Variants in TRERF1 observed in about 807,000 individuals in gnomAD.
TRERF1 encodes the protein transcriptional regulating factor 1, also known as transcriptional-regulating factor 1.
TRERF1 carries 27 observed loss-of-function variants against 122.9 expected under a neutral mutation model. The ratio of observed to expected loss-of-function variants is 0.22; its 90% CI spans 0.16 to 0.30. TRERF1 has a LOEUF of 0.30. TRERF1 is among the 10% of genes least tolerant of loss of function. TRERF1 has a pLI of 1.00. For synonymous variants in TRERF1, 636 were observed against 641.7 expected (o/e 0.99, Z 0.13); for missense variants, 1,248 against 1,560.3 (o/e 0.80, Z 3.37).
Position 42,259,254 on chromosome 6 carries a change from T to C in TRERF1, c.2269+85A>G, listed in dbSNP as rs539961740. 7.0e-6 allele frequency: 10 copies of C among 1,434,546 alleles called. No individual in the cohort carries two copies. In the East Asian group the frequency reaches 9.8e-5, roughly 14 times the overall value. 88.9% of individuals were successfully genotyped at this position (1,434,546 alleles called of 1,614,324 possible). On this transcript the variant is annotated intron_variant, in intron 9 of 17. Transcript: ENST00000372922. The surrounding 1 kb of genome is among the most constrained non-coding windows in gnomAD (Gnocchi z 4.9). ...CAATACTCCGCAAAAGTCTGTGGGA[T>C]AAATGAGAAAGCTAAAGAAAACGAG... is the stretch of plus-strand genomic sequence containing the variant.
chr6:42,271,610 A>G (rs557601487), intron 4 of TRERF1, among the ~76,000 whole-genome samples: 1 of 152,318 alleles, frequency 6.6e-6, no homozygotes, highest in East Asian at 1.9e-4. Context: ...CCCCAAAAAA[A>G]GTTACCCAGT....
chr6:42,237,806 T>G (rs533218283), intron 15 of TRERF1, among the ~76,000 whole-genome samples: 3 of 152,340 alleles, frequency 2.0e-5, no homozygotes, highest in African/African-American at 7.2e-5. Flanking sequence ...AGGGAGACAA[T>G]GCCAGTATGT....
At chr6:42,238,218 TACAC>T (rs1370114927) in intron 15 of TRERF1, among the ~76,000 whole-genome samples, 2 of 152,214 alleles carry the variant, frequency 1.3e-5, no homozygotes, top group Non-Finnish European at 2.9e-5. Flanking sequence ...TAAAAATAAT[TACAC>T]ACAACAGATG....
intron 3 of TRERF1, among the ~76,000 whole-genome samples, chr6:42,355,548 A>G (rs1770361762): frequency 6.6e-6 from 1 of 152,236 alleles, no homozygotes; most frequent in Non-Finnish European, 1.5e-5. Context: ...GCTTGCTTGA[A>G]AGAAGGATCT....
chr6:42,407,128 G>T (rs975786675), intron 2 of TRERF1, among the ~76,000 whole-genome samples: 2 of 152,236 alleles, frequency 1.3e-5, no homozygotes, highest in African/African-American at 4.8e-5. Flanking sequence ...TAAGTGGCTG[G>T]CCTCCTTTCC....
chr6:42,304,033 G>A (rs1786717024), intron 3 of TRERF1, among the ~76,000 whole-genome samples: 1 of 151,820 alleles, frequency 6.6e-6, no homozygotes, highest in Admixed American at 6.6e-5. Context: ...AAACTGGCAT[G>A]AGACATCCAA....
intron 4 of TRERF1, among the ~76,000 whole-genome samples, chr6:42,270,463 T>G (rs1780015362): frequency 6.6e-6 from 1 of 152,188 alleles, no homozygotes; most frequent in Admixed American, 6.5e-5. Flanking sequence ...TATAAAGAAG[T>G]TTAAGATATG....
chr6:42,383,530 T>C (rs2151169021), intron 2 of TRERF1, among the ~76,000 whole-genome samples: 1 of 152,276 alleles, frequency 6.6e-6, no homozygotes, highest in Admixed American at 6.5e-5. Flanking sequence ...GCTCTCCATA[T>C]GAGTCAGACT....
chr6:42,369,229 C>A (rs1380858954), intron 2 of TRERF1, among the ~76,000 whole-genome samples: 1 of 152,184 alleles, frequency 6.6e-6, no homozygotes, highest in African/African-American at 2.4e-5. Flanking sequence ...GCGGGTGGAT[C>A]ACTTGAGGTC....
At chr6:42,267,149 A>T (rs549968234) in intron 5 of TRERF1, among the ~76,000 whole-genome samples, 97 of 152,120 alleles carry the variant, frequency 6.4e-4, no homozygotes, top group Non-Finnish European at 1.0e-3. Flanking sequence ...ACATAGGGAG[A>T]CCTGTCTCTA....
intron 2 of TRERF1, among the ~76,000 whole-genome samples, chr6:42,430,857 C>A (rs921021165): frequency 6.7e-6 from 1 of 149,966 alleles, no homozygotes. Context: ...GATTGTGCCA[C>A]TGCACTCCAG....
At chr6:42,432,523 C>A (rs1784644899) in intron 2 of TRERF1, among the ~76,000 whole-genome samples, 1 of 152,120 alleles carries the variant, frequency 6.6e-6, no homozygotes. Flanking sequence ...AAAGCCATAA[C>A]AGGGAGCTTG....
At chr6:42,425,266 T>C (rs1452237418) in intron 2 of TRERF1, among the ~76,000 whole-genome samples, 1 of 152,188 alleles carries the variant, frequency 6.6e-6, no homozygotes, top group Non-Finnish European at 1.5e-5. Flanking sequence ...CACTGACTAA[T>C]AAGAGCTACC....
intron 2 of TRERF1, among the ~76,000 whole-genome samples, chr6:42,388,828 A>G (rs1270371954): frequency 6.6e-6 from 1 of 152,216 alleles, no homozygotes; most frequent in African/African-American, 2.4e-5. Context: ...TATGGCTTCC[A>G]TGCCTCCACC....
chr6:42,368,488 A>G (rs1283976086), intron 2 of TRERF1, among the ~76,000 whole-genome samples: 1 of 152,052 alleles, frequency 6.6e-6, no homozygotes, highest in Non-Finnish European at 1.5e-5. Context: ...AAGCACCAAG[A>G]CTCTAAACAC....
chr6:42,306,995 G>A (rs1208769950), intron 3 of TRERF1, among the ~76,000 whole-genome samples: 23 of 152,104 alleles, frequency 1.5e-4, no homozygotes, highest in Non-Finnish European at 4.4e-5. Context: ...GGCTCTTGTT[G>A]AACACCCTGT....
chr6:42,429,117 C>T lies in TRERF1; in HGVS notation c.-454+22060G>A, dbSNP rs943367758. Among the ~76,000 whole-genome samples, 7 of 152,364 alleles carry T rather than the reference C, an allele frequency of 4.6e-5. No homozygotes were observed. The East Asian group carries it at 1.3e-3, about 29-fold the overall frequency. On this transcript the variant is annotated intron_variant, in intron 2 of 17. Coordinates refer to ENST00000372922, the Ensembl canonical transcript of TRERF1. ...AGCCACTCATTATTTTAAGTGAAAA[C>T]TAAGTCACACCCAAGGAGGACCACA...
intron 2 of TRERF1, among the ~76,000 whole-genome samples, chr6:42,390,978 ATGCTTTGTGAG>A (rs1351391579): frequency 1.3e-5 from 2 of 152,160 alleles, no homozygotes; most frequent in South Asian, 2.1e-4. Context: ...AAAGACTGAA[ATGCTTTGTGAG>A]TGGGACCCTG....
intron 4 of TRERF1, among the ~76,000 whole-genome samples, chr6:42,284,076 A>T (rs1782777945): frequency 6.6e-6 from 1 of 152,210 alleles, no homozygotes; most frequent in African/African-American, 2.4e-5. Context: ...TCATTTGTGC[A>T]TAAACCACTG....
Sources: allele counts gnomAD v4.1 joint callset (sites outside exome capture counted in the v4.1 genomes callset), GRCh38; gene constraint gnomAD v4.1.1; non-coding constraint Gnocchi (gnomAD v3.1); transcripts MANE v1.5; gene names NCBI Gene and HGNC (gene_info 2026-07-23, HGNC 2026-07-21).